The following RUFY3 variants were observed in gnomAD, a reference collection of about 807,000 sequenced individuals.
The protein encoded by RUFY3 is RUN and FYVE domain containing 3, also known as protein RUFY3.
A neutral mutation model predicts 84.0 loss-of-function variants in RUFY3; 34 were observed. The ratio of observed to expected loss-of-function variants is 0.40; its 90% CI spans 0.31 to 0.54. The LOEUF (loss-of-function observed/expected upper bound fraction) is 0.54. RUFY3 is among the 20% of genes least tolerant of loss of function. The probability of loss-of-function intolerance (pLI) is 0.39; values close to 1 mark genes in which losing one functional copy is unlikely to be tolerated. For synonymous variants in RUFY3, 242 were observed against 252.9 expected (o/e 0.96, Z 0.41); for missense variants, 507 against 736.8 (o/e 0.69, Z 3.61).
At chr4:70,719,360 T>C (rs1742013771), upstream of RUFY3, among the ~76,000 whole-genome samples, 1 of 152,248 alleles carries the variant, frequency 6.6e-6, no homozygotes, top group Non-Finnish European at 1.5e-5. Flanking sequence ...TCTTGCTCAC[T>C]AACCTTGATG....
At chr4:70,792,753 G>A (rs947152193) in intron 12 of RUFY3, 2 of 985,112 alleles carry the variant, frequency 2.0e-6, no homozygotes, top group African/African-American at 1.7e-5. Context: ...GCTTATATAG[G>A]TCCCTGCACA....
At chr4:70,796,353 C>T (rs986773095) in intron 14 of RUFY3, among the ~76,000 whole-genome samples, 14 of 152,140 alleles carry the variant, frequency 9.2e-5, no homozygotes, top group Non-Finnish European at 1.5e-4. Flanking sequence ...TTGATTGCAC[C>T]ACTTCCACCT....
chr4:70,775,007 C>G (rs1727687524), intron 6 of RUFY3, among the ~76,000 whole-genome samples, 161 bp from the exon 7 acceptor site: 1 of 149,064 alleles, frequency 6.7e-6, no homozygotes, highest in African/African-American at 2.5e-5. Context: ...TTTCTTGTTG[C>G]TATGTCAAGA....
intron 1 of RUFY3, among the ~76,000 whole-genome samples, chr4:70,726,781 G>C (rs114858536): frequency 2.3e-4 from 35 of 152,326 alleles, no homozygotes; most frequent in African/African-American, 7.9e-4. Context: ...TTTACATTAA[G>C]AGTTGGAATC....
rs572519160 is a variant in RUFY3 at position 70,739,828 on chromosome 4, T to TAAA, written c.178+17091_178+17093dup. Among the ~76,000 whole-genome samples, 140 of 98,080 alleles carry TAAA rather than the reference T, an allele frequency of 1.4e-3. 1 individual carries two copies. Among genetic ancestry groups the TAAA allele is most frequent in the Middle Eastern group, 4.9e-3 (1 of 206 alleles). The allele number at this position is 98,080 out of a possible 152,430, so 64.3% of individuals were successfully genotyped here. Reference sequence around the variant, plus strand: ...ACCATGTACTCCAGAACTTAAAGTATAAAAAAAAAAAAAAAAGCCGGGTGC... The same window carrying TAAA: ...ACCATGTACTCCAGAACTTAAAGTATAAAAAAAAAAAAAAAAAAAGCCGGGTGC... On this transcript the variant is annotated intron_variant, in intron 1 of 17. Coordinates refer to ENST00000381006, the MANE Select transcript of RUFY3 (RefSeq NM_001037442.4).
intron 1 of RUFY3, among the ~76,000 whole-genome samples, chr4:70,752,978 C>G (rs1723376833): frequency 2.0e-5 from 3 of 152,178 alleles, no homozygotes; most frequent in African/African-American, 7.2e-5. Context: ...GGATTGGTGT[C>G]AATTCCTTAA....
intron 1 of RUFY3, among the ~76,000 whole-genome samples, chr4:70,748,653 G>A (rs573454470): frequency 3.9e-5 from 6 of 152,288 alleles, no homozygotes; most frequent in Admixed American, 6.5e-5. Flanking sequence ...AGCAGCCTGA[G>A]CATCTGCATA....
chr4:70,788,612 A>T (rs955071419), intron 10 of RUFY3, among the ~76,000 whole-genome samples, 194 bp from the exon 11 acceptor site: 2 of 152,152 alleles, frequency 1.3e-5, no homozygotes, highest in Non-Finnish European at 1.5e-5. Flanking sequence ...GGCAAATGTT[A>T]TTGTATATCC....
chr4:70,756,375 G>A (rs1007513996), intron 1 of RUFY3, among the ~76,000 whole-genome samples: 5 of 152,128 alleles, frequency 3.3e-5, no homozygotes, highest in Admixed American at 2.0e-4. Flanking sequence ...TCAAATTTGT[G>A]ACATCACATC....
intron 1 of RUFY3, among the ~76,000 whole-genome samples, chr4:70,757,850 G>A (rs1724293206): frequency 6.6e-6 from 1 of 152,000 alleles, no homozygotes; most frequent in South Asian, 2.1e-4. Context: ...TGTTCAATAT[G>A]TATTGAAAAA....
At chr4:70,707,667 C>A (rs1031678092) in intron 1 of RUFY3, among the ~76,000 whole-genome samples, 1 of 151,710 alleles carries the variant, frequency 6.6e-6, no homozygotes, top group Non-Finnish European at 1.5e-5. Flanking sequence ...TGTCCCACTT[C>A]CTCTGCTTTT....
upstream of RUFY3, among the ~76,000 whole-genome samples, chr4:70,718,434 A>G (rs1395819361): frequency 3.3e-5 from 5 of 152,122 alleles, no homozygotes; most frequent in Admixed American, 2.0e-4. Flanking sequence ...AGAACGTAGT[A>G]TTTTTTGGAT....
intron 1 of RUFY3, among the ~76,000 whole-genome samples, chr4:70,725,182 GCC>G (rs1718022629): frequency 6.6e-6 from 1 of 152,120 alleles, no homozygotes; most frequent in Non-Finnish European, 1.5e-5. Flanking sequence ...AGAGTTCCTG[GCC>G]CTTCACTGAG....
intron 1 of RUFY3, among the ~76,000 whole-genome samples, chr4:70,739,565 C>T (rs1291147441): frequency 6.6e-6 from 1 of 152,104 alleles, no homozygotes; most frequent in African/African-American, 2.4e-5. Flanking sequence ...GACACTTGGT[C>T]TCAAGGGGAC....
chr4:70,784,399 C>T (rs1027363609), intron 9 of RUFY3, among the ~76,000 whole-genome samples: 8 of 152,060 alleles, frequency 5.3e-5, no homozygotes, highest in Non-Finnish European at 1.0e-4. Flanking sequence ...AGGAGAATCG[C>T]TTGAACCCAG....
intron 1 of RUFY3, among the ~76,000 whole-genome samples, chr4:70,725,560 A>G (rs1025818070): frequency 5.3e-5 from 8 of 152,038 alleles, no homozygotes; most frequent in Middle Eastern, 3.2e-3. Flanking sequence ...CGAACTCCCA[A>G]CCTCAGGTGA....
At chr4:70,718,657 T>C (rs1465971958), upstream of RUFY3, among the ~76,000 whole-genome samples, 1 of 152,196 alleles carries the variant, frequency 6.6e-6, no homozygotes, top group East Asian at 1.9e-4. Context: ...AACTTTAACT[T>C]CATATTCAAA....
chr4:70,733,166 GAA>G (rs1204842124), intron 1 of RUFY3, among the ~76,000 whole-genome samples: 24 of 133,790 alleles, frequency 1.8e-4, no homozygotes, highest in East Asian at 4.3e-4. Flanking sequence ...GAGAGAGAGA[GAA>G]AGAAAGAAAG....
Position 70,806,517 on chromosome 4 carries a change from A to G in RUFY3, c.1721A>G (p.Asn574Ser). 1 of 1,614,142 alleles carries G rather than the reference A, an allele frequency of 6.2e-7. No homozygotes were observed. ...CCGCCTAACCTCCTCTTCTCATAGAATGTGTGTAAGAACTGCAGCGGAACC... is the reference window on the plus strand; with the variant it reads ...CCGCCTAACCTCCTCTTCTCATAGAGTGTGTGTAAGAACTGCAGCGGAACC... ...LCQEDGSLTKNVCKNCSGTFC... is the reference protein window; with the variant it reads ...LCQEDGSLTKSVCKNCSGTFC... Residue 574 changes from asparagine (N) to serine (S), a missense_variant and splice_region_variant, in exon 18 of 18, where the codon AAT becomes AGT. Physicochemically the swap from Asn to Ser is conservative, Grantham distance 46. This residue lies in a region of RUFY3 where 334 missense variants were observed against 364.1 expected (regional missense o/e 0.92). Transcript: ENST00000381006.
Sources: gnomAD v4.1 joint callset for allele counts (sites outside exome capture counted in the v4.1 genomes callset) on GRCh38, gnomAD v4.1.1 for gene constraint, gnomAD v4.1.1 regional missense constraint, MANE v1.5 for transcripts, NCBI Gene and HGNC (gene_info 2026-07-23, HGNC 2026-07-21) for gene names.